PCDHGB6: variants seen among roughly 807,000 people sequenced by gnomAD.
The protein encoded by PCDHGB6 is protocadherin gamma-B6.
Under a neutral mutation model 59.1 loss-of-function variants are expected in PCDHGB6, and 51 were observed. That is an observed-to-expected ratio of 0.86 (90% CI 0.69 to 1.09). The LOEUF is 1.09. Among genes scored for constraint, PCDHGB6 ranks in the 50% least tolerant of loss-of-function variants. PCDHGB6 has a pLI of 0.00. For synonymous variants in PCDHGB6, 466 were observed against 495.1 expected (o/e 0.94, Z 0.78); for missense variants, 1,148 against 1,205.1 (o/e 0.95, Z 0.70).
In PCDHGB6 at chr5:141,489,068, G is replaced by GGC; in HGVS notation, c.2419-5739_2419-5738insGC. 1 of 291,558 alleles carries GGC rather than the reference G, an allele frequency of 3.4e-6. No individual in the cohort carries two copies. The allele number at this position is 291,558 out of a possible 1,614,324, so 18.1% of individuals were successfully genotyped here. ...CTCAAATTCAGCTCCCCTCCCCCCT[G>GGC]CCCACCCCCGCCACTCGGTGACTAA... On this transcript the variant is annotated intron_variant, in intron 1 of 3. Transcript: ENST00000520790. The surrounding 1 kb of genome is among the most constrained non-coding windows in gnomAD (Gnocchi z 4.5).
chr5:141,426,465 T>C, intron 1 of PCDHGB6: 1 of 315,366 alleles, frequency 3.2e-6, no homozygotes, highest in African/African-American at 2.2e-5. Context: ...ATGTTCAGGA[T>C]TTATTGACCT....
rs1257322419 is a variant in PCDHGB6, at chr5:141,410,583, G to A, written c.2381G>A (p.Gly794Glu). ...GGAGCCTTAATTCCACCTCATGGTG[G>A]GGAGGATTTGACTTCACATCCTGAG... ...SPGALIPPHG[G>E]EDLTSHPETL... The change falls in exon 1 of 4, where the codon GGG becomes GAG. Residue 794 changes from glycine (G) to glutamate (E), a missense_variant. Transcript: ENST00000520790. The A allele has an allele frequency of 6.2e-7, 1 of 1,610,052 alleles. No individual in the cohort carries two copies. Among genetic ancestry groups the A allele is most frequent in the African/African-American group, 1.3e-5 (1 of 74,908 alleles).
intron 1 of PCDHGB6, chr5:141,427,791 G>T (rs763294539): frequency 1.3e-6 from 2 of 1,488,082 alleles, no homozygotes; most frequent in South Asian, 1.1e-5. Context: ...GTCGTCCTAC[G>T]TGTCCGTGAG....
At chr5:141,508,588 C>G (rs1721443459) in intron 3 of PCDHGB6, among the ~76,000 whole-genome samples, 1 of 152,176 alleles carries the variant, frequency 6.6e-6, no homozygotes, top group African/African-American at 2.4e-5. Context: ...GGGTGCTACT[C>G]AGAGATCTTG....
At chr5:141,441,782 G>T in intron 1 of PCDHGB6, 1 of 391,086 alleles carries the variant, frequency 2.6e-6, no homozygotes, top group East Asian at 8.8e-5. Context: ...TGGACGACCT[G>T]AATGACAACG....
At chr5:141,484,468 C>T (rs2099596877) in intron 1 of PCDHGB6, among the ~76,000 whole-genome samples, 1 of 152,200 alleles carries the variant, frequency 6.6e-6, no homozygotes, top group South Asian at 2.1e-4. Context: ...ATGTGTAAGC[C>T]TTTTCTGCAA....
intron 1 of PCDHGB6, among the ~76,000 whole-genome samples, chr5:141,460,958 T>C (rs182414946): frequency 8.2e-6 from 1 of 121,926 alleles, no homozygotes; most frequent in Non-Finnish European, 1.6e-5. Context: ...TATGTATATA[T>C]ATATGTGTGT....
chr5:141,485,095 TC>T lies in PCDHGB6; in HGVS notation c.2419-9710del, dbSNP rs1040164730. ...GCGCGGGGAAAGGGAGATAGGTGTCTCCAGCTGCTGTGGCTGTTTGGGGCGG... is the reference window on the plus strand; with the variant it reads ...GCGCGGGGAAAGGGAGATAGGTGTCTCAGCTGCTGTGGCTGTTTGGGGCGG... On this transcript the variant is annotated intron_variant, in intron 1 of 3. Coordinates refer to ENST00000520790, the MANE Select transcript of PCDHGB6 (RefSeq NM_018926.3). This position sits in a 1 kb window ranked among gnomAD's most constrained non-coding sequence, Gnocchi z 5.7. 6.8e-5 allele frequency: 76 copies of T among 1,115,798 alleles called. No homozygotes were observed. Among genetic ancestry groups the T allele is most frequent in the South Asian group, 4.6e-4 (33 of 71,042 alleles). The allele number at this position is 1,115,798 out of a possible 1,614,324, so 69.1% of individuals were successfully genotyped here. A position where few individuals can be genotyped will look rare whatever the true frequency, so the allele number is the denominator to read the frequency against.
At chr5:141,445,312 T>C (rs1419229431) in intron 1 of PCDHGB6, among the ~76,000 whole-genome samples, 2 of 152,194 alleles carry the variant, frequency 1.3e-5, no homozygotes, top group African/African-American at 4.8e-5. Context: ...AGTTTGTAGG[T>C]TGAGAGAACC....
chr5:141,438,254 A>G (rs916664408), intron 1 of PCDHGB6, among the ~76,000 whole-genome samples: 1 of 152,170 alleles, frequency 6.6e-6, no homozygotes, highest in Non-Finnish European at 1.5e-5. Context: ...CTGTCATTGA[A>G]GAGACCATAG....
intron 1 of PCDHGB6, among the ~76,000 whole-genome samples, chr5:141,437,076 A>G (rs1018228245): frequency 6.6e-6 from 1 of 152,236 alleles, no homozygotes; most frequent in African/African-American, 2.4e-5. Flanking sequence ...TTTGGGCCAT[A>G]TAAGAATTGA....
Position 141,431,449 on chromosome 5 carries a change from G to A in PCDHGB6, c.2418+20829G>A. Reference sequence around the variant, plus strand: ...GCACAGGCACCGCGCGCATCCGCGTGATGGTTCTGGATGCGAACGACAACG... The same window carrying A: ...GCACAGGCACCGCGCGCATCCGCGTAATGGTTCTGGATGCGAACGACAACG... On this transcript the variant is annotated intron_variant, in intron 1 of 3. Coordinates refer to ENST00000520790, the MANE Select transcript of PCDHGB6 (RefSeq NM_018926.3). The surrounding 1 kb of genome is among the most constrained non-coding windows in gnomAD (Gnocchi z 4.8). The A allele has an allele frequency of 6.2e-7, 1 of 1,613,742 alleles. No individual in the cohort carries two copies. Among genetic ancestry groups the A allele is most frequent in the South Asian group, 1.1e-5 (1 of 91,082 alleles).
intron 1 of PCDHGB6, among the ~76,000 whole-genome samples, chr5:141,472,590 C>T (rs1161871973): frequency 6.6e-6 from 1 of 151,908 alleles, no homozygotes; most frequent in Non-Finnish European, 1.5e-5. Flanking sequence ...GTCAGAAGCT[C>T]TCTTGAAATT....
At chr5:141,473,623 A>T (rs186624707) in intron 1 of PCDHGB6, among the ~76,000 whole-genome samples, 8 of 152,280 alleles carry the variant, frequency 5.3e-5, no homozygotes, top group Non-Finnish European at 1.5e-5. Flanking sequence ...GAGGGAGGAA[A>T]AAGCAGCTTT....
At chr5:141,435,306 T>C (rs2154556603) in intron 1 of PCDHGB6, among the ~76,000 whole-genome samples, 1 of 152,358 alleles carries the variant, frequency 6.6e-6, no homozygotes, top group East Asian at 1.9e-4. Flanking sequence ...TGGTTTTAAA[T>C]CATTCATGAA....
chr5:141,464,402 G>GAT (rs1039725208), intron 1 of PCDHGB6, among the ~76,000 whole-genome samples: 22 of 150,720 alleles, frequency 1.5e-4, no homozygotes, highest in Admixed American at 7.3e-4. Context: ...AAGAACCTGA[G>GAT]ATATATATAT....
intron 3 of PCDHGB6, among the ~76,000 whole-genome samples, chr5:141,505,969 A>G (rs1454691041): frequency 1.3e-5 from 2 of 152,142 alleles, no homozygotes; most frequent in Non-Finnish European, 2.9e-5. Context: ...AGAAATCCCC[A>G]GCCGAGAGAA....
At chr5:141,453,780 C>T (rs1330142662) in intron 1 of PCDHGB6, among the ~76,000 whole-genome samples, 3 of 152,090 alleles carry the variant, frequency 2.0e-5, no homozygotes, top group African/African-American at 4.8e-5. Flanking sequence ...TTTTAGTTAC[C>T]ATGGTATATT....
chr5:141,448,545 A>T lies in PCDHGB6; in HGVS notation c.2418+37925A>T, dbSNP rs537259621. On this transcript the variant is annotated intron_variant, in intron 1 of 3. Coordinates refer to ENST00000520790, the MANE Select transcript of PCDHGB6 (RefSeq NM_018926.3). ...AGCATCCTGTCAGCATTTCTTATGC[A>T]AATATGTACATATATTTTTATTTCC... 1.5e-4 allele frequency among the ~76,000 whole-genome samples: 23 copies of T among 152,334 alleles called. 1 individual carries two copies. The South Asian group carries it at 2.7e-3, about 18-fold the overall frequency.
Sources: allele counts gnomAD v4.1 joint callset (sites outside exome capture counted in the v4.1 genomes callset), GRCh38; gene constraint gnomAD v4.1.1; non-coding constraint Gnocchi (gnomAD v3.1); transcripts MANE v1.5; gene names NCBI Gene and HGNC (gene_info 2026-07-23, HGNC 2026-07-21).